Variants in RANBP17 observed in about 807,000 individuals in gnomAD.
RANBP17 encodes ran-binding protein 17.
In RANBP17, 158 loss-of-function variants were observed where a neutral mutation model predicts 141.2. The ratio of observed to expected loss-of-function variants is 1.12; its 90% CI spans 0.98 to 1.28. RANBP17 has a LOEUF of 1.28. RANBP17 is among the 50% of genes most tolerant of loss of function. The probability of loss-of-function intolerance (pLI) is 0.00; values close to 1 mark genes in which losing one functional copy is unlikely to be tolerated. For synonymous variants in RANBP17, 430 were observed against 450.0 expected (o/e 0.96, Z 0.56); for missense variants, 1,438 against 1,290.7 (o/e 1.11, Z -1.75).
intron 22 of RANBP17, among the ~76,000 whole-genome samples, chr5:171,225,262 C>A (rs992096527): frequency 6.6e-6 from 1 of 152,136 alleles, no homozygotes; most frequent in Non-Finnish European, 1.5e-5. Context: ...ATTTCTATCT[C>A]AAAACTTAAA....
intron 14 of RANBP17, among the ~76,000 whole-genome samples, chr5:170,977,758 C>G (rs1032042991): frequency 6.6e-6 from 1 of 152,054 alleles, no homozygotes; most frequent in Non-Finnish European, 1.5e-5. Flanking sequence ...ACAAATACCA[C>G]ATGATTCCAG....
intron 13 of RANBP17, among the ~76,000 whole-genome samples, chr5:170,960,634 A>G (rs906600119): frequency 1.3e-5 from 2 of 152,086 alleles, no homozygotes; most frequent in Non-Finnish European, 2.9e-5. Context: ...ATCATCTTTC[A>G]CCTGGATTAG....
chr5:171,154,098 GTTTTTTTTT>G (rs70982325), intron 14 of RANBP17, among the ~76,000 whole-genome samples: 1 of 130,268 alleles, frequency 7.7e-6, no homozygotes, highest in Non-Finnish European at 1.6e-5. Flanking sequence ...GTTCACTTTA[GTTTTTTTTT>G]TTTTTTTTTT....
intron 14 of RANBP17, among the ~76,000 whole-genome samples, chr5:171,111,791 G>C (rs933057373): frequency 6.6e-6 from 1 of 152,120 alleles, no homozygotes; most frequent in Non-Finnish European, 1.5e-5. Context: ...TTAACACATA[G>C]AACAAAGCAA....
intron 14 of RANBP17, among the ~76,000 whole-genome samples, chr5:171,019,460 T>C (rs1387662581): frequency 2.0e-5 from 3 of 152,214 alleles, no homozygotes; most frequent in Non-Finnish European, 4.4e-5. Context: ...TATTCAGGGA[T>C]TGGAGTTATT....
intron 14 of RANBP17, among the ~76,000 whole-genome samples, chr5:171,061,813 T>G (rs564568258): frequency 6.6e-6 from 1 of 152,314 alleles, no homozygotes; most frequent in African/African-American, 2.4e-5. Flanking sequence ...TCTTTGTAGG[T>G]CACTCAGGAC....
At chr5:171,061,033 C>G (rs1407960366) in intron 14 of RANBP17, among the ~76,000 whole-genome samples, 1 of 151,396 alleles carries the variant, frequency 6.6e-6, no homozygotes, top group African/African-American at 2.4e-5. Flanking sequence ...TTTATTGTGT[C>G]TATTTGATTC....
At position 170,904,820 on chromosome 5, in the gene RANBP17, A is replaced by G. The variant is rs549172158; in HGVS notation, c.490-4841A>G. 4.1e-3 allele frequency among the ~76,000 whole-genome samples: 619 copies of G among 152,218 alleles called. 5 individuals carry two copies. The highest frequency in any genetic ancestry group is 0.014 in the African/African-American group (597 of 41,544). ...ACAGATTTTTATCATTTATATTTTG[A>G]TATTCTATTTAAATTCTCCTGATTC... On this transcript the variant is annotated intron_variant, in intron 5 of 27. Transcript: ENST00000523189.
chr5:170,945,144 T>A (rs1241502612), intron 12 of RANBP17, among the ~76,000 whole-genome samples: 1 of 152,162 alleles, frequency 6.6e-6, no homozygotes, highest in African/African-American at 2.4e-5. Flanking sequence ...AATTTTTTTT[T>A]TTCCTGGTTG....
chr5:170,993,225 C>G (rs1055036940), intron 14 of RANBP17, among the ~76,000 whole-genome samples: 4 of 151,942 alleles, frequency 2.6e-5, no homozygotes, highest in Admixed American at 6.6e-5. Flanking sequence ...TTCTCCTGTT[C>G]CAATAACTAA....
chr5:171,039,341 A>AT (rs377545238), intron 14 of RANBP17, among the ~76,000 whole-genome samples: 8 of 144,900 alleles, frequency 5.5e-5, no homozygotes, highest in African/African-American at 2.1e-4. Context: ...GATGTTGAAC[A>AT]TTTTTTTCAT....
At chr5:170,948,404 G>T (rs1371858650) in intron 12 of RANBP17, among the ~76,000 whole-genome samples, 2 of 152,036 alleles carry the variant, frequency 1.3e-5, no homozygotes, top group East Asian at 3.9e-4. Context: ...AAAATCAATG[G>T]TATGTCTATT....
chr5:171,201,577 A>G (rs1474700951), intron 19 of RANBP17, among the ~76,000 whole-genome samples: 1 of 152,240 alleles, frequency 6.6e-6, no homozygotes, highest in Non-Finnish European at 1.5e-5. Flanking sequence ...CACATTTATC[A>G]GGGAAATTGG....
chr5:170,901,775 T>A (rs1770654386), intron 5 of RANBP17, among the ~76,000 whole-genome samples: 1 of 152,210 alleles, frequency 6.6e-6, no homozygotes, highest in Admixed American at 6.5e-5. Flanking sequence ...CTCCTTCACT[T>A]ACAAAGCTTA....
intron 12 of RANBP17, among the ~76,000 whole-genome samples, chr5:170,941,498 A>T (rs1774322112): frequency 6.6e-6 from 1 of 152,178 alleles, no homozygotes; most frequent in Non-Finnish European, 1.5e-5. Flanking sequence ...AAAAATACTA[A>T]AATTGACTTA....
chr5:171,113,479 T>TG (rs137886863), intron 14 of RANBP17, among the ~76,000 whole-genome samples: 230 of 152,262 alleles, frequency 1.5e-3, no homozygotes, highest in Non-Finnish European at 2.4e-3. Context: ...TAATAGATAT[T>TG]TTAATCTTAG....
chr5:170,889,050 C>T (rs1345632), intron 3 of RANBP17, among the ~76,000 whole-genome samples: 1 of 151,572 alleles, frequency 6.6e-6, no homozygotes, highest in Admixed American at 6.6e-5. Flanking sequence ...CCTCATATAT[C>T]TTTTTTCTTT....
chr5:171,075,321 C>T (rs1006926358), intron 14 of RANBP17, among the ~76,000 whole-genome samples: 3 of 152,056 alleles, frequency 2.0e-5, no homozygotes, highest in Non-Finnish European at 4.4e-5. Flanking sequence ...ATATAAAAGA[C>T]CATATCTTCT....
chr5:171,040,907 G>A (rs984986780), intron 14 of RANBP17, among the ~76,000 whole-genome samples: 1 of 152,148 alleles, frequency 6.6e-6, no homozygotes, highest in African/African-American at 2.4e-5. Flanking sequence ...CTGAGGCACA[G>A]GAATTTCGGA....
Sources: allele counts gnomAD v4.1 joint callset (sites outside exome capture counted in the v4.1 genomes callset), GRCh38; gene constraint gnomAD v4.1.1; transcripts MANE v1.5; gene names NCBI Gene and HGNC (gene_info 2026-07-23, HGNC 2026-07-21).